The following FSTL5 variants were observed in gnomAD, a reference collection of about 807,000 sequenced individuals.
FSTL5 encodes the protein follistatin-related protein 5.
Under a neutral mutation model 89.1 loss-of-function variants are expected in FSTL5, and 62 were observed. That is an observed-to-expected ratio of 0.70 (90% CI 0.57 to 0.86). FSTL5 has a LOEUF of 0.86. Ranked by LOEUF, FSTL5 falls within the 40% of genes least tolerant of loss-of-function variation. The probability of loss-of-function intolerance (pLI) is 0.00; values close to 1 mark genes in which losing one functional copy is unlikely to be tolerated. For missense variants in FSTL5, 1,057 were observed against 1,001.6 expected, an observed-to-expected ratio of 1.06 and a Z score of -0.75; for synonymous variants, 383 against 346.2, an observed-to-expected ratio of 1.11 and a Z score of -1.18.
chr4:161,713,816 T>C (rs1162497177), intron 6 of FSTL5, among the ~76,000 whole-genome samples: 2 of 152,218 alleles, frequency 1.3e-5, no homozygotes, highest in East Asian at 3.8e-4. Context: ...TAGGTTTCTG[T>C]AATATATTTT....
intron 3 of FSTL5, among the ~76,000 whole-genome samples, chr4:161,947,617 T>G (rs1448823017): frequency 6.6e-6 from 1 of 152,136 alleles, no homozygotes; most frequent in Admixed American, 6.6e-5. Flanking sequence ...TGTAGCTTTG[T>G]TATAAGTTTT....
At chr4:161,735,068 T>C (rs1203577125) in intron 6 of FSTL5, among the ~76,000 whole-genome samples, 1 of 152,202 alleles carries the variant, frequency 6.6e-6, no homozygotes, top group Non-Finnish European at 1.5e-5. Context: ...AGCTCCATGT[T>C]GTTTTACCTG....
intron 2 of FSTL5, among the ~76,000 whole-genome samples, chr4:162,056,414 C>T (rs1386423835): frequency 6.6e-6 from 1 of 151,062 alleles, no homozygotes; most frequent in Non-Finnish European, 1.5e-5. Context: ...ATAGCAAATC[C>T]AGTTATGAGG....
intron 7 of FSTL5, among the ~76,000 whole-genome samples, chr4:161,606,297 G>A (rs918678622): frequency 6.8e-6 from 1 of 146,310 alleles, no homozygotes; most frequent in East Asian, 2.0e-4. Flanking sequence ...AGGCTGGAGT[G>A]CAGTGGCGCG....
intron 9 of FSTL5, among the ~76,000 whole-genome samples, chr4:161,539,133 T>C (rs904943919): frequency 6.6e-6 from 1 of 152,042 alleles, no homozygotes; most frequent in African/African-American, 2.4e-5. Flanking sequence ...TCTTTTTCTT[T>C]GTTTTCCTTT....
At chr4:162,152,591 A>G (rs900154868) in intron 1 of FSTL5, among the ~76,000 whole-genome samples, 1 of 152,196 alleles carries the variant, frequency 6.6e-6, no homozygotes, top group Non-Finnish European at 1.5e-5. Context: ...TTTCTCAAGC[A>G]TGTGCACAAA....
intron 4 of FSTL5, among the ~76,000 whole-genome samples, chr4:161,889,005 G>T (rs974952674): frequency 2.6e-5 from 4 of 152,024 alleles, no homozygotes; most frequent in African/African-American, 9.7e-5. Context: ...CTGATATTAG[G>T]TGTGTTAGGA....
At chr4:161,555,282 T>C (rs1429929114) in intron 8 of FSTL5, among the ~76,000 whole-genome samples, 2 of 151,562 alleles carry the variant, frequency 1.3e-5, no homozygotes, top group East Asian at 1.9e-4. Flanking sequence ...AGTGGCCTTT[T>C]TAATCCTCAA....
chr4:161,519,976 G>C (rs1412150708), intron 10 of FSTL5, among the ~76,000 whole-genome samples: 2 of 152,036 alleles, frequency 1.3e-5, no homozygotes, highest in African/African-American at 4.8e-5. Context: ...TGGTTTTGCA[G>C]CCATATATAT....
intron 6 of FSTL5, among the ~76,000 whole-genome samples, chr4:161,739,410 T>C (rs1286750357): frequency 6.6e-6 from 1 of 152,130 alleles, no homozygotes; most frequent in Non-Finnish European, 1.5e-5. Context: ...GATTGTGAGA[T>C]AACAAATTTC....
At chr4:161,943,856 A>G (rs758888968) in intron 3 of FSTL5, among the ~76,000 whole-genome samples, 4 of 151,988 alleles carry the variant, frequency 2.6e-5, no homozygotes, top group Non-Finnish European at 5.9e-5. Context: ...CGCCTGGCCC[A>G]TAACCACTGT....
chr4:161,516,858 A>G (rs1423973224), intron 10 of FSTL5, among the ~76,000 whole-genome samples: 1 of 151,066 alleles, frequency 6.6e-6, no homozygotes, highest in African/African-American at 2.4e-5. Flanking sequence ...GACTTTTTGA[A>G]TCTCTTTATT....
chr4:162,005,066 A>G (rs909569041), intron 3 of FSTL5, among the ~76,000 whole-genome samples: 1 of 152,082 alleles, frequency 6.6e-6, no homozygotes, highest in African/African-American at 2.4e-5. Context: ...AAAATAATGT[A>G]ATGTATCCCT....
At position 162,100,703 on chromosome 4, in the gene FSTL5, C is replaced by CTT. The variant is rs1316487134; in HGVS notation, c.126+10567_126+10568insAA. The stretch of plus-strand genomic sequence containing the variant: ...TGTATATTCAATGTAGATTTATTGA[C>CTT]TATAAATGTACCACTCTGATACAGG... On this transcript the variant is annotated intron_variant, in intron 2 of 15. Coordinates refer to ENST00000306100, the MANE Select transcript of FSTL5 (RefSeq NM_020116.5). Among the ~76,000 whole-genome samples the CTT allele has an allele frequency of 3.3e-5, 5 of 152,030 alleles. No individual in the cohort carries two copies. The East Asian group carries it at 5.8e-4, about 18-fold the overall frequency.
rs961241628 is a variant in FSTL5 at position 161,904,164 on chromosome 4, G to C, written c.409+16240C>G. Reference sequence around the variant, plus strand: ...TAGAATTCTCAGATTTAATAACAGAGACTCACAAGCAAAAAAAAAGAGAAA... The same window carrying C: ...TAGAATTCTCAGATTTAATAACAGACACTCACAAGCAAAAAAAAAGAGAAA... On this transcript the variant is annotated intron_variant, in intron 4 of 15. Coordinates refer to ENST00000306100, the MANE Select transcript of FSTL5 (RefSeq NM_020116.5). Among the ~76,000 whole-genome samples, 6 of 151,440 alleles carry C rather than the reference G, an allele frequency of 4.0e-5. No homozygotes were observed. In the East Asian group the frequency reaches 1.2e-3, roughly 29 times the overall value.
chr4:161,492,884 T>A (rs1267541402), intron 12 of FSTL5, among the ~76,000 whole-genome samples: 1 of 152,052 alleles, frequency 6.6e-6, no homozygotes, highest in Non-Finnish European at 1.5e-5. Context: ...TTTTAAATAC[T>A]GAAGAGTTAA....
chr4:161,484,613 T>A (rs1463514401), intron 12 of FSTL5, among the ~76,000 whole-genome samples: 1 of 152,210 alleles, frequency 6.6e-6, no homozygotes, highest in African/African-American at 2.4e-5. Flanking sequence ...AAACTAACCA[T>A]GCTTCACATT....
intron 15 of FSTL5, among the ~76,000 whole-genome samples, chr4:161,414,201 A>G (rs1315335928): frequency 6.6e-6 from 1 of 152,208 alleles, no homozygotes; most frequent in Non-Finnish European, 1.5e-5. Context: ...CATAGTGAAA[A>G]CAAGTAGAAA....
rs72982654 is a variant in FSTL5 at position 162,095,223 on chromosome 4, T to C, written c.126+16048A>G. 7.6e-3 allele frequency among the ~76,000 whole-genome samples: 1,153 copies of C among 152,260 alleles called. 16 individuals are homozygous for C. Among genetic ancestry groups the C allele is most frequent in the African/African-American group, 0.026 (1,063 of 41,580 alleles). On this transcript the variant is annotated intron_variant, in intron 2 of 15. Transcript: ENST00000306100. ...TTTCAAGAGAGGCCAAGTCTGCTGA[T>C]ATGCATAGCAACAGTTAATTCTAAA...
Sources: allele counts gnomAD v4.1 joint callset (sites outside exome capture counted in the v4.1 genomes callset), GRCh38; gene constraint gnomAD v4.1.1; transcripts MANE v1.5; gene names NCBI Gene and HGNC (gene_info 2026-07-23, HGNC 2026-07-21).